The following RDX variants were observed in gnomAD, a reference collection of about 807,000 sequenced individuals.
RDX encodes radixin.
RDX carries 32 observed loss-of-function variants against 83.7 expected under a neutral mutation model. That is an observed-to-expected ratio of 0.38 (90% confidence interval 0.29 to 0.51). The LOEUF (loss-of-function observed/expected upper bound fraction) is 0.51, where lower values mean the gene tolerates loss of function less well. Among genes scored for constraint, RDX ranks in the 20% least tolerant of loss-of-function variants. The pLI is 0.87. For synonymous variants in RDX, 229 were observed against 222.7 expected, an observed-to-expected ratio of 1.03 and a Z score of -0.25; for missense variants, 600 against 689.9, an observed-to-expected ratio of 0.87 and a Z score of 1.46.
In RDX at chr11:110,242,382, C is replaced by T. The variant is rs529387992; in HGVS notation, c.1091-4730G>A. 2.3e-4 allele frequency among the ~76,000 whole-genome samples: 35 copies of T among 149,658 alleles called. 1 individual carries two copies. The South Asian group carries it at 5.3e-3, about 22-fold the overall frequency. On this transcript the variant is annotated intron_variant, in intron 10 of 13. Coordinates refer to ENST00000645495, the MANE Select transcript of RDX (RefSeq NM_002906.4). ...CCGGGAGGCAGAGGTTGCAGTGACC[C>T]GAGATTGCACAATCGCACTCCAGCC...
rs187977932 is a variant in RDX at position 110,261,499 on chromosome 11, C to T, written c.467+2461G>A. ...ATTATTTTATTTGATTTGTTATCAC[C>T]AAATAACCTAATTACTCATTTCCTC... On this transcript the variant is annotated intron_variant, in intron 5 of 13. Coordinates refer to ENST00000645495, the MANE Select transcript of RDX (RefSeq NM_002906.4). Among the ~76,000 whole-genome samples, 5 of 152,096 alleles carry T rather than the reference C, an allele frequency of 3.3e-5. No homozygotes were observed. In the East Asian group the frequency reaches 7.7e-4, roughly 23 times the overall value.
intron 14 of RDX, among the ~76,000 whole-genome samples, chr11:110,224,272 G>A (rs1302831768): frequency 6.6e-6 from 1 of 151,374 alleles, no homozygotes; most frequent in Non-Finnish European, 1.5e-5. Context: ...CTAAAAGCCA[G>A]TACATTATGA....
chr11:110,204,072 G>A (rs1336624072), intron 14 of RDX, among the ~76,000 whole-genome samples: 4 of 152,054 alleles, frequency 2.6e-5, no homozygotes, highest in Non-Finnish European at 4.4e-5. Context: ...CACCACTTAT[G>A]TTCCACATGG....
intron 1 of RDX, among the ~76,000 whole-genome samples, chr11:110,288,762 G>A (rs1261529745): frequency 6.6e-6 from 1 of 152,200 alleles, no homozygotes; most frequent in Non-Finnish European, 1.5e-5. Flanking sequence ...CTGGTTCACA[G>A]TTGGGCCTCA....
chr11:110,265,371 C>A (rs557450977), intron 3 of RDX, among the ~76,000 whole-genome samples: 98 of 152,090 alleles, frequency 6.4e-4, no homozygotes, highest in Non-Finnish European at 1.3e-3. Context: ...GGATTATAGG[C>A]GTAAGCCACT....
chr11:110,257,663 A>G, intron 7 of RDX, 104 bp downstream of exon 7: 2 of 1,142,264 alleles, frequency 1.8e-6, no homozygotes, highest in Non-Finnish European at 2.6e-6. Context: ...TGAAAATAGT[A>G]AGGGTAATCA....
chr11:110,244,962 A>G (rs1298658894), intron 10 of RDX, among the ~76,000 whole-genome samples: 1 of 151,638 alleles, frequency 6.6e-6, no homozygotes, highest in Non-Finnish European at 1.5e-5. Flanking sequence ...CTGTACTTCA[A>G]AGTTTTTTTT....
intron 1 of RDX, among the ~76,000 whole-genome samples, chr11:110,290,608 C>CA (rs1435624574): frequency 6.6e-6 from 1 of 152,100 alleles, no homozygotes; most frequent in Non-Finnish European, 1.5e-5. Flanking sequence ...CTCATCTTTC[C>CA]ATTCTCAAAT....
chr11:110,260,098 T>C (rs1413334175), intron 5 of RDX, among the ~76,000 whole-genome samples: 1 of 151,524 alleles, frequency 6.6e-6, no homozygotes, highest in Non-Finnish European at 1.5e-5. Context: ...GCGATTCTCC[T>C]GCCTGAGCCT....
At chr11:110,274,264 G>A (rs896874872) in intron 2 of RDX, among the ~76,000 whole-genome samples, 12 of 152,158 alleles carry the variant, frequency 7.9e-5, no homozygotes, top group African/African-American at 2.2e-4. Flanking sequence ...GGTAAATAAT[G>A]TTGCATATAC....
intron 15 of RDX, among the ~76,000 whole-genome samples, chr11:110,193,663 A>G (rs1292535767): frequency 1.3e-5 from 2 of 152,206 alleles, no homozygotes; most frequent in Non-Finnish European, 2.9e-5. Flanking sequence ...TAAGAACAAA[A>G]AGAACCTTAG....
chr11:110,221,415 T>A (rs996403371), intron 14 of RDX, among the ~76,000 whole-genome samples: 5 of 152,056 alleles, frequency 3.3e-5, no homozygotes, highest in Non-Finnish European at 7.4e-5. Context: ...CTGGCCAACA[T>A]GGTGAAACCC....
intron 14 of RDX, among the ~76,000 whole-genome samples, chr11:110,217,045 G>C (rs539698937): frequency 6.6e-6 from 1 of 152,268 alleles, no homozygotes; most frequent in Admixed American, 6.5e-5. Context: ...GTCCCCATCA[G>C]GCCCAGTGCA....
chr11:110,220,878 T>TTAA (rs1479541555), intron 14 of RDX, among the ~76,000 whole-genome samples: 44 of 109,318 alleles, frequency 4.0e-4, no homozygotes, highest in African/African-American at 1.4e-3. Flanking sequence ...ACAGCCTCTG[T>TTAA]AAAAAAAAAA....
chr11:110,200,664 T>G (rs1863369849), intron 14 of RDX, among the ~76,000 whole-genome samples: 2 of 152,212 alleles, frequency 1.3e-5, no homozygotes, highest in South Asian at 4.1e-4. Context: ...AAGCTGAGTC[T>G]TTGCAGTAAA....
intron 14 of RDX, among the ~76,000 whole-genome samples, chr11:110,205,732 T>C (rs1458211592): frequency 1.3e-5 from 2 of 152,094 alleles, no homozygotes; most frequent in Non-Finnish European, 2.9e-5. Flanking sequence ...CGGCAGAAAT[T>C]GAAAAGTTTA....
intron 1 of RDX, among the ~76,000 whole-genome samples, chr11:110,283,856 T>C (rs1390743845): frequency 2.2e-5 from 3 of 139,268 alleles, no homozygotes; most frequent in Non-Finnish European, 3.3e-5. Flanking sequence ...GTAAAATAAA[T>C]ACCAAAATAA....
At chr11:110,190,027 G>A (rs1467347732) in intron 15 of RDX, among the ~76,000 whole-genome samples, 1 of 152,116 alleles carries the variant, frequency 6.6e-6, no homozygotes, top group African/African-American at 2.4e-5. Context: ...AGGATGTGGT[G>A]AGCCGAGATC....
intron 5 of RDX, among the ~76,000 whole-genome samples, chr11:110,261,747 T>G (rs2134374170): frequency 6.6e-6 from 1 of 152,354 alleles, no homozygotes; most frequent in South Asian, 2.1e-4. Flanking sequence ...GGAACAAATC[T>G]TGAAATAGGC....
Sources: gnomAD v4.1 joint callset for allele counts (sites outside exome capture counted in the v4.1 genomes callset) on GRCh38, gnomAD v4.1.1 for gene constraint, MANE v1.5 for transcripts, NCBI Gene and HGNC (gene_info 2026-07-23, HGNC 2026-07-21) for gene names.